Variants in JAKMIP1 observed in about 807,000 individuals in gnomAD.
JAKMIP1 encodes the protein janus kinase and microtubule interacting protein 1.
Under a neutral mutation model 113.0 loss-of-function variants are expected in JAKMIP1, and 33 were observed. That is an observed-to-expected ratio of 0.29 (90% confidence interval 0.22 to 0.39). The LOEUF (loss-of-function observed/expected upper bound fraction) is 0.39, where lower values mean the gene tolerates loss of function less well. JAKMIP1 is among the 10% of genes least tolerant of loss of function. The pLI is 1.00. For synonymous variants in JAKMIP1, 480 were observed against 459.9 expected (o/e 1.04, Z -0.56); for missense variants, 813 against 1,080.5 (o/e 0.75, Z 3.47).
chr4:6,057,151 G>A (rs184575073), intron 11 of JAKMIP1, among the ~76,000 whole-genome samples: 26 of 152,280 alleles, frequency 1.7e-4, no homozygotes, highest in Admixed American at 7.2e-4. Flanking sequence ...TGCCTGCGAT[G>A]CCCTTCCCAC....
At chr4:6,113,393 A>G (rs1207647324) in intron 1 of JAKMIP1, among the ~76,000 whole-genome samples, 1 of 152,002 alleles carries the variant, frequency 6.6e-6, no homozygotes, top group Non-Finnish European at 1.5e-5. Flanking sequence ...CCTGGGCCTC[A>G]TCCAGAGCTT....
chr4:6,033,331 G>T (rs1712989138), intron 19 of JAKMIP1, among the ~76,000 whole-genome samples: 1 of 152,190 alleles, frequency 6.6e-6, no homozygotes, highest in Non-Finnish European at 1.5e-5. Context: ...ATCAGAAGTG[G>T]GGTGAGTGTT....
chr4:6,040,249 C>T lies in JAKMIP1; in HGVS notation c.2175+390G>A, dbSNP rs543069572. On this transcript the variant is annotated intron_variant, in intron 18 of 20. Transcript: ENST00000409021. This position sits in a 1 kb window ranked among gnomAD's most constrained non-coding sequence, Gnocchi z 5.8. The stretch of plus-strand genomic sequence containing the variant: ...GGTTCTGAAAATCACCTGGCTTCAT[C>T]TAATTGCTTTACCTCTGCGTTCCTT... Among the ~76,000 whole-genome samples, 3 of 152,324 alleles carry T rather than the reference C, an allele frequency of 2.0e-5. No individual in the cohort carries two copies. Among genetic ancestry groups the T allele is most frequent in the African/African-American group, 7.2e-5 (3 of 41,580 alleles).
intron 1 of JAKMIP1, among the ~76,000 whole-genome samples, chr4:6,172,361 G>A (rs1724829000): frequency 1.3e-5 from 2 of 152,184 alleles, no homozygotes; most frequent in South Asian, 2.1e-4. Flanking sequence ...AATCCCAGCT[G>A]CAGAAAACAG....
At chr4:6,113,253 A>T (rs922007242) in intron 1 of JAKMIP1, among the ~76,000 whole-genome samples, 15 of 152,184 alleles carry the variant, frequency 9.9e-5, no homozygotes, top group African/African-American at 2.7e-4. Flanking sequence ...AGGTGACCAC[A>T]CCTGGAATAG....
intron 1 of JAKMIP1, among the ~76,000 whole-genome samples, chr4:6,165,714 A>G (rs1723541892): frequency 6.6e-6 from 1 of 152,232 alleles, no homozygotes. Context: ...CTGGGAAATC[A>G]AAAAATTCAT....
chr4:6,172,393 G>C (rs1315078316), intron 1 of JAKMIP1, among the ~76,000 whole-genome samples: 1 of 152,174 alleles, frequency 6.6e-6, no homozygotes, highest in African/African-American at 2.4e-5. Flanking sequence ...AGGAAGGACT[G>C]GGAATACTGG....
Position 6,113,061 on chromosome 4 carries a change from C to G in JAKMIP1, c.-147-64G>C, listed in dbSNP as rs549440442. ...GGGTGGGGAGCTGGTGTCCCTGCCTCGGGCACCCTGGGCCAGGCACCTGCC... is the reference window on the plus strand; with the variant it reads ...GGGTGGGGAGCTGGTGTCCCTGCCTGGGGCACCCTGGGCCAGGCACCTGCC... On this transcript the variant is annotated intron_variant, in intron 1 of 20. Coordinates refer to ENST00000409021, the MANE Select transcript of JAKMIP1 (RefSeq NM_001099433.2). The G allele has an allele frequency of 8.8e-5, 64 of 728,012 alleles. No individual in the cohort carries two copies. In the African/African-American group the frequency reaches 9.3e-4, roughly 11 times the overall value. The allele number at this position is 728,012 out of a possible 1,614,324, so 45.1% of individuals were successfully genotyped here. A position where few individuals can be genotyped will look rare whatever the true frequency, so the allele number is the denominator to read the frequency against.
rs570896342 is a variant in JAKMIP1 at position 6,093,680 on chromosome 4, T to G, written c.625-8051A>C. ...GAACCAGACACCTCCTGTATTACAATGAATGATGTCCACCTGTACAGGGAG... is the reference window on the plus strand; with the variant it reads ...GAACCAGACACCTCCTGTATTACAAGGAATGATGTCCACCTGTACAGGGAG... On this transcript the variant is annotated intron_variant, in intron 3 of 20. Transcript: ENST00000409021. This position sits in a 1 kb window ranked among gnomAD's most constrained non-coding sequence, Gnocchi z 4.6. Among the ~76,000 whole-genome samples, 11 of 152,294 alleles carry G rather than the reference T, an allele frequency of 7.2e-5. No homozygotes were observed. The Middle Eastern group carries it at 0.01, about 141-fold the overall frequency.
At chr4:6,128,496 C>G (rs1052435032) in intron 1 of JAKMIP1, among the ~76,000 whole-genome samples, 5 of 152,140 alleles carry the variant, frequency 3.3e-5, no homozygotes, top group Non-Finnish European at 5.9e-5. Context: ...AGGTCCAAGC[C>G]CGTGGGCTGG....
At chr4:6,103,764 C>T (rs926192917) in intron 3 of JAKMIP1, among the ~76,000 whole-genome samples, 1 of 152,100 alleles carries the variant, frequency 6.6e-6, no homozygotes, top group Non-Finnish European at 1.5e-5. Flanking sequence ...TTCATTTTAT[C>T]GAGGTTTCAA....
At chr4:6,130,646 G>A (rs962511140) in intron 1 of JAKMIP1, among the ~76,000 whole-genome samples, 1 of 152,050 alleles carries the variant, frequency 6.6e-6, no homozygotes, top group Non-Finnish European at 1.5e-5. Context: ...CAGACAACAT[G>A]CAAAACCAGA....
Position 6,178,754 on chromosome 4 carries a change from T to C in JAKMIP1, c.-148+21499A>G, listed in dbSNP as rs1725688422. 6.6e-6 allele frequency among the ~76,000 whole-genome samples: 1 copy of C among 152,206 alleles called. No homozygotes were observed. Among genetic ancestry groups the C allele is most frequent in the Admixed American group, 6.5e-5 (1 of 15,278 alleles). ...TATTAGCAATGTGAGGACAGACTAATATACCCTACCAAATTCTCTAGGTCA... is the reference window on the plus strand; with the variant it reads ...TATTAGCAATGTGAGGACAGACTAACATACCCTACCAAATTCTCTAGGTCA... On this transcript the variant is annotated intron_variant, in intron 1 of 20. Coordinates refer to ENST00000409021, the MANE Select transcript of JAKMIP1 (RefSeq NM_001099433.2). The surrounding 1 kb of genome is among the most constrained non-coding windows in gnomAD (Gnocchi z 5.5).
chr4:6,072,612 A>G (rs1719125193), intron 8 of JAKMIP1, among the ~76,000 whole-genome samples: 1 of 152,202 alleles, frequency 6.6e-6, no homozygotes, highest in Non-Finnish European at 1.5e-5. Flanking sequence ...TCACGCAGTC[A>G]CTACTATTAG....
In JAKMIP1 at chr4:6,179,390, G is replaced by A. The variant is rs1029396388; in HGVS notation, c.-148+20863C>T. 5.3e-5 allele frequency among the ~76,000 whole-genome samples: 8 copies of A among 152,270 alleles called. No individual in the cohort carries two copies. The highest frequency in any genetic ancestry group is 3.3e-4 in the Admixed American group (5 of 15,290). Reference sequence around the variant, plus strand: ...ACTCAGTAAATGCAACAGCCAAGAGGCAGACTGGATGGAACAGGACAGGAA... The same window carrying A: ...ACTCAGTAAATGCAACAGCCAAGAGACAGACTGGATGGAACAGGACAGGAA... On this transcript the variant is annotated intron_variant, in intron 1 of 20. Coordinates refer to ENST00000409021, the MANE Select transcript of JAKMIP1 (RefSeq NM_001099433.2). This position sits in a 1 kb window ranked among gnomAD's most constrained non-coding sequence, Gnocchi z 4.5.
At chr4:6,164,972 G>A (rs1279768342) in intron 1 of JAKMIP1, among the ~76,000 whole-genome samples, 3 of 152,224 alleles carry the variant, frequency 2.0e-5, no homozygotes, top group East Asian at 3.9e-4. Flanking sequence ...TTTAAAGTAT[G>A]ATCTAAACTT....
rs1235776650 is a variant in JAKMIP1 at position 6,135,919 on chromosome 4, A to G, written c.-147-22922T>C. Reference sequence around the variant, plus strand: ...GGTGGGGGGAGAGGTGGGGGGGGACAGCAAAAATAAGGAGTGAATGAAGTG... The same window carrying G: ...GGTGGGGGGAGAGGTGGGGGGGGACGGCAAAAATAAGGAGTGAATGAAGTG... On this transcript the variant is annotated intron_variant, in intron 1 of 20. Transcript: ENST00000409021. This position sits in a 1 kb window ranked among gnomAD's most constrained non-coding sequence, Gnocchi z 4.9. Among the ~76,000 whole-genome samples the G allele has an allele frequency of 1.3e-5, 2 of 152,080 alleles. No individual in the cohort carries two copies. The highest frequency in any genetic ancestry group is 2.9e-5 in the Non-Finnish European group (2 of 68,000).
At chr4:6,075,356 C>G (rs1032247050) in intron 8 of JAKMIP1, among the ~76,000 whole-genome samples, 6 of 152,060 alleles carry the variant, frequency 3.9e-5, no homozygotes, top group Non-Finnish European at 8.8e-5. Flanking sequence ...GCTTCTTAGG[C>G]CTAAAAGGCA....
At chr4:6,078,325 AC>A (rs1719982088) in intron 8 of JAKMIP1, among the ~76,000 whole-genome samples, 1 of 142,280 alleles carries the variant, frequency 7.0e-6, no homozygotes, top group Non-Finnish European at 1.5e-5. Context: ...AAAAAAAAAA[AC>A]AAAAAAAAAA....
Sources: allele counts gnomAD v4.1 joint callset (sites outside exome capture counted in the v4.1 genomes callset), GRCh38; gene constraint gnomAD v4.1.1; non-coding constraint Gnocchi (gnomAD v3.1); transcripts MANE v1.5; gene names NCBI Gene and HGNC (gene_info 2026-07-23, HGNC 2026-07-21).